The following TGDS variants were observed in gnomAD, a reference collection of about 807,000 sequenced individuals.
TGDS encodes TDP-glucose 4,6-dehydratase.
TGDS carries 47 observed loss-of-function variants against 52.3 expected under a neutral mutation model. That is an observed-to-expected ratio of 0.90 (90% confidence interval 0.71 to 1.15). The LOEUF (loss-of-function observed/expected upper bound fraction) is 1.15, where lower values mean the gene tolerates loss of function less well. TGDS is among the 50% of genes most tolerant of loss of function. TGDS has a pLI of 0.00. For synonymous variants in TGDS, 115 were observed against 136.9 expected (o/e 0.84, Z 1.12); for missense variants, 375 against 418.4 (o/e 0.90, Z 0.90).
chr13:94,585,656 C>T (rs151128209), intron 4 of TGDS, among the ~76,000 whole-genome samples: 5 of 151,794 alleles, frequency 3.3e-5, no homozygotes, highest in African/African-American at 1.2e-4. Flanking sequence ...AAAAATAAAC[C>T]GGGCGTGGTG....
At chr13:94,582,881 T>C (rs552968607) in intron 5 of TGDS, among the ~76,000 whole-genome samples, 2 of 152,332 alleles carry the variant, frequency 1.3e-5, no homozygotes, top group Non-Finnish European at 2.9e-5. Context: ...AGATGGCCTA[T>C]TGTGAGACCT....
chr13:94,588,562 G>A (rs898501531), intron 4 of TGDS, among the ~76,000 whole-genome samples: 2 of 151,616 alleles, frequency 1.3e-5, no homozygotes, highest in Non-Finnish European at 2.9e-5. Context: ...AACCTAATAG[G>A]AAATGGTCAC....
chr13:94,588,502 G>A (rs576333762), intron 4 of TGDS, among the ~76,000 whole-genome samples: 1 of 149,564 alleles, frequency 6.7e-6, no homozygotes, highest in Non-Finnish European at 1.5e-5. Flanking sequence ...AAAAGGCTTG[G>A]ATCCAAAATA....
intron 4 of TGDS, among the ~76,000 whole-genome samples, chr13:94,586,603 C>T (rs1472814851): frequency 6.6e-6 from 1 of 152,108 alleles, no homozygotes; most frequent in African/African-American, 2.4e-5. Flanking sequence ...AAAAGCAAGT[C>T]GTAGCATAAA....
chr13:94,593,716 C>T, intron 2 of TGDS, 125 bp downstream of exon 2: 1 of 697,656 alleles, frequency 1.4e-6, no homozygotes, highest in Non-Finnish European at 2.5e-6. Flanking sequence ...CTATACAGAG[C>T]CTCTGAATTG....
Position 94,574,707 on chromosome 13 carries a change from C to T in TGDS, c.*75G>A, listed in dbSNP as rs564331119. On this transcript the variant is annotated 3_prime_UTR_variant, in exon 12 of 12. Coordinates refer to ENST00000261296, the MANE Select transcript of TGDS (RefSeq NM_014305.4). The stretch of plus-strand genomic sequence containing the variant: ...AAGAAAAGAGTGCACTTCATTTGGT[C>T]ACTTAATTTCATACCACTTGGCGAG... The T allele has an allele frequency of 8.1e-6, 7 of 861,740 alleles. No homozygotes were observed. Among genetic ancestry groups the T allele is most frequent in the East Asian group, 7.4e-5 (3 of 40,534 alleles). 53.4% of individuals were successfully genotyped at this position (861,740 alleles called of 1,614,324 possible).
At chr13:94,595,947 G>T in intron 1 of TGDS, 104 bp downstream of exon 1, 1 of 1,290,380 alleles carries the variant, frequency 7.7e-7, no homozygotes, top group Non-Finnish European at 1.1e-6. Context: ...ATCAGAATAA[G>T]GACCCCTCAA....
At chr13:94,579,696 T>C in intron 7 of TGDS, 198 bp downstream of exon 7, 1 of 445,666 alleles carries the variant, frequency 2.2e-6, no homozygotes, top group Non-Finnish European at 4.0e-6. Flanking sequence ...AGCTGGTGAG[T>C]GTCAGCCAGC....
rs546237136 is a variant in TGDS, at chr13:94,577,421, C to T, written c.834G>A (p.Glu278=). 1.9e-6 allele frequency: 3 copies of T among 1,569,270 alleles called. No homozygotes were observed. The highest frequency in any genetic ancestry group is 2.6e-6 in the Non-Finnish European group (3 of 1,163,200). ...LAKELIQLIK[E]TNSESEMENW... ...TTTCCATTTCAGACTCTGAATTGGT[C>T]TCTTTGATCTGTCAAAATGGAAAAA... Residue 278 remains glutamate, a synonymous_variant, in exon 10 of 12, where the codon GAG becomes GAA. Coordinates refer to ENST00000261296, the MANE Select transcript of TGDS (RefSeq NM_014305.4).
upstream of TGDS, chr13:94,596,269 A>C: frequency 1.0e-6 from 1 of 995,958 alleles, no homozygotes; most frequent in Non-Finnish European, 1.4e-6. Flanking sequence ...GCTTCCGGAG[A>C]CTGCTCTGTG....
intron 4 of TGDS, among the ~76,000 whole-genome samples, chr13:94,586,712 G>A (rs1430648378): frequency 2.0e-5 from 3 of 150,022 alleles, no homozygotes; most frequent in Non-Finnish European, 4.4e-5. Context: ...TAAGACATAC[G>A]TGTCTAAGTA....
chr13:94,582,076 C>G (rs957047742), intron 5 of TGDS, among the ~76,000 whole-genome samples: 18 of 151,862 alleles, frequency 1.2e-4, no homozygotes, highest in African/African-American at 4.1e-4. Flanking sequence ...TGCATGCCTG[C>G]AATCCCAGCT....
At chr13:94,595,668 C>T (rs1204526013) in intron 1 of TGDS, among the ~76,000 whole-genome samples, 1 of 152,046 alleles carries the variant, frequency 6.6e-6, no homozygotes, top group African/African-American at 2.4e-5. Context: ...TATTATAGTC[C>T]TTAAATCGTT....
intron 1 of TGDS, among the ~76,000 whole-genome samples, chr13:94,594,645 G>A (rs1462658674): frequency 6.6e-6 from 1 of 152,118 alleles, no homozygotes; most frequent in Admixed American, 6.6e-5. Context: ...TCCTTTCACA[G>A]CACTTTCTAA....
intron 6 of TGDS, 68 bp downstream of exon 6, chr13:94,581,023 C>A: frequency 5.5e-6 from 5 of 910,546 alleles, no homozygotes; most frequent in Admixed American, 2.7e-5. Context: ...AAAAAAAAAG[C>A]TGACTTGGAG....
At chr13:94,581,211 TAA>T (rs1017210254) in intron 5 of TGDS, 22 bp from the exon 6 acceptor site, 2 of 1,434,758 alleles carry the variant, frequency 1.4e-6, no homozygotes, top group Non-Finnish European at 9.5e-7. Context: ...AATATATATT[TAA>T]AAAAGTGTTA....
rs756319678 is a variant in TGDS at position 94,578,142 on chromosome 13, T to C, written c.688A>G (p.Arg230Gly). 3 of 1,613,788 alleles carry C rather than the reference T, an allele frequency of 1.9e-6. No homozygotes were observed. The highest frequency in any genetic ancestry group is 2.5e-6 in the Non-Finnish European group (3 of 1,179,828). Residue 230 changes from arginine to glycine, a missense_variant, in exon 9 of 12, where the codon AGA becomes GGA. Arg to Gly is a moderately radical substitution (Grantham distance 125). Transcript: ENST00000261296. ...ACATCAGTAGCATAAAGGAAGTTTC[T>C]TGTTTGAAGCCCTGACCCATGAATG... ...CCIHGSGLQT[R>G]NFLYATDVVE...
At chr13:94,591,988 C>T (rs1889218228) in intron 3 of TGDS, among the ~76,000 whole-genome samples, 1 of 152,088 alleles carries the variant, frequency 6.6e-6, no homozygotes, top group Non-Finnish European at 1.5e-5. Context: ...AAATACAAAC[C>T]ATGTGAATTC....
rs1453664984 is a variant in TGDS at position 94,590,933 on chromosome 13, CAT to C, written c.231_232del (p.Ile77MetfsTer2). 6.4e-6 allele frequency: 10 copies of C among 1,570,342 alleles called. No homozygotes were observed. The highest frequency in any genetic ancestry group is 2.8e-5 in the African/African-American group (2 of 71,762). Reference sequence around the variant, plus strand: ...AAGCAGTTTCACAAAGTGAGAATCACATATGTCACCCTATATGAAAAAGCAAA... The same window carrying C: ...AAGCAGTTTCACAAAGTGAGAATCACATGTCACCCTATATGAAAAAGCAAA... On this transcript the variant is annotated frameshift_variant, in exon 4 of 12. Transcript: ENST00000261296. LOFTEE classifies it high-confidence loss of function.
Sources: gnomAD v4.1 joint callset for allele counts (sites outside exome capture counted in the v4.1 genomes callset) on GRCh38, gnomAD v4.1.1 for gene constraint, MANE v1.5 for transcripts, NCBI Gene and HGNC (gene_info 2026-07-23, HGNC 2026-07-21) for gene names.